ADPRHL1: variants seen among roughly 807,000 people sequenced by gnomAD.
ADPRHL1 encodes the protein inactive ADP-ribosyltransferase ARH2.
ADPRHL1 carries 43 observed loss-of-function variants against 44.1 expected under a neutral mutation model. That is an observed-to-expected ratio of 0.98 (90% CI 0.76 to 1.26). ADPRHL1 has a LOEUF of 1.26. Ranked by LOEUF, ADPRHL1 falls within the 50% of genes most tolerant of loss-of-function variation. The pLI is 0.00. For missense variants in ADPRHL1, 2,022 were observed against 2,496.9 expected (o/e 0.81, Z 4.05); for synonymous variants, 878 against 1,017.4 (o/e 0.86, Z 2.61).
chr13:113,420,416 T>C (rs1299412771), intron 7 of ADPRHL1, among the ~76,000 whole-genome samples: 2 of 148,858 alleles, frequency 1.3e-5, no homozygotes, highest in Non-Finnish European at 3.0e-5. Context: ...GCCCTGCTCA[T>C]GCGAGCTGGC....
At chr13:113,443,620 A>C (rs899662881) in intron 2 of ADPRHL1, among the ~76,000 whole-genome samples, 6 of 151,920 alleles carry the variant, frequency 3.9e-5, no homozygotes, top group African/African-American at 1.5e-4. Context: ...CCCTGTCTAC[A>C]AAATAAATAA....
chr13:113,406,801 C>T lies in ADPRHL1; in HGVS notation c.2481G>A (p.Ser827=). The change falls in exon 8 of 8, where the codon TCG becomes TCA. Residue 827 remains serine (S), a synonymous_variant. Transcript: ENST00000612156. ...GCTGTGTTCTCCGAGCAGCCTGGACCGATGGAGCGTTCAGGGGTGGGATGT... is the reference window on the plus strand; with the variant it reads ...GCTGTGTTCTCCGAGCAGCCTGGACTGATGGAGCGTTCAGGGGTGGGATGT... ...PEHIPPLNAP[S]VQAARRTQPA... 3 of 1,232,030 alleles carry T rather than the reference C, an allele frequency of 2.4e-6. No individual in the cohort carries two copies. The highest frequency in any genetic ancestry group is 3.2e-5 in the East Asian group (1 of 31,722). 76.3% of individuals were successfully genotyped at this position (1,232,030 alleles called of 1,614,324 possible).
In ADPRHL1 at chr13:113,405,532, C is replaced by G; in HGVS notation, c.3750G>C (p.Val1250=). 8.1e-7 allele frequency: 1 copy of G among 1,232,106 alleles called. No individual in the cohort carries two copies. The highest frequency in any genetic ancestry group is 3.1e-4 in the Middle Eastern group (1 of 3,208). The allele number at this position is 1,232,106 out of a possible 1,614,324, so 76.3% of individuals were successfully genotyped here. A position where few individuals can be genotyped will look rare whatever the true frequency, so the allele number is the denominator to read the frequency against. Residue 1250 remains valine (V), a synonymous_variant, in exon 8 of 8, where the codon GTG becomes GTC. Coordinates refer to ENST00000612156, the MANE Select transcript of ADPRHL1 (RefSeq NM_001394807.1). ...TGCTGAAACCCAAAAGGTTTCCTTC[C>G]ACAGCCACATCCTTTCTGCCTCCTA... ...AAVGGRKDVA[V]EGNLLGFSTE...
chr13:113,431,847 C>T (rs1280387949), intron 3 of ADPRHL1, among the ~76,000 whole-genome samples: 1 of 151,960 alleles, frequency 6.6e-6, no homozygotes, highest in African/African-American at 2.4e-5. Flanking sequence ...TCCTGAGTAG[C>T]TGGGATTACA....
chr13:113,413,351 A>G (rs2043869803), intron 7 of ADPRHL1, among the ~76,000 whole-genome samples: 1 of 151,300 alleles, frequency 6.6e-6, no homozygotes, highest in Admixed American at 6.6e-5. Flanking sequence ...AGATGCCCCC[A>G]CCTCAGGGAG....
At position 113,405,495 on chromosome 13, in the gene ADPRHL1, T is replaced by C; in HGVS notation, c.3787A>G (p.Ile1263Val). ...GGCCTAGGATGATCAGAAGCAGGAA[T>C]TCCAGACTCTGTGCTGAAACCCAAA... ...NLLGFSTESG[I>V]PASDHPRPQA... The change falls in exon 8 of 8, where the codon ATT (isoleucine) becomes GTT (valine). Residue 1263 changes from isoleucine (I) to valine (V), a missense_variant. Around this residue, in one of 8 missense-constraint regions of ADPRHL1, gnomAD observed 1,221 missense variants for 1,517.8 expected, o/e 0.80. Coordinates refer to ENST00000612156, the MANE Select transcript of ADPRHL1 (RefSeq NM_001394807.1). The C allele has an allele frequency of 8.1e-7, 1 of 1,231,956 alleles. No homozygotes were observed. Among genetic ancestry groups the C allele is most frequent in the Non-Finnish European group, 1.0e-6 (1 of 988,118 alleles). The allele number at this position is 1,231,956 out of a possible 1,614,324, so 76.3% of individuals were successfully genotyped here.
rs959198681 is a variant in ADPRHL1, at chr13:113,409,637, C to A, written c.1062-1417G>T. The A allele has an allele frequency of 5.1e-6, 5 of 984,462 alleles. No individual in the cohort carries two copies. Among genetic ancestry groups the A allele is most frequent in the Non-Finnish European group, 6.0e-6 (5 of 829,188 alleles). 61.0% of individuals were successfully genotyped at this position (984,462 alleles called of 1,614,324 possible). A position where few individuals can be genotyped will look rare whatever the true frequency, so the allele number is the denominator to read the frequency against. ...CCGTGGCTCACGCCTGTAATCTCAG[C>A]GTGATTTGGGAGGCCGAGGCTGGCA... On this transcript the variant is annotated intron_variant, in intron 7 of 7. Transcript: ENST00000612156. This position sits in a 1 kb window ranked among gnomAD's most constrained non-coding sequence, Gnocchi z 4.2.
intron 4 of ADPRHL1, among the ~76,000 whole-genome samples, chr13:113,426,294 G>C (rs2043967614): frequency 6.6e-6 from 1 of 152,184 alleles, no homozygotes. Context: ...GCCTTACGGT[G>C]AGCACCCCTG....
At position 113,429,751 on chromosome 13, in the gene ADPRHL1, G is replaced by A. The variant is rs573079078; in HGVS notation, c.506-659C>T. On this transcript the variant is annotated intron_variant, in intron 3 of 7. Transcript: ENST00000612156. The stretch of plus-strand genomic sequence containing the variant: ...CGTTGTGCACACTCAGGCGTTTCCT[G>A]TGCGGGGCCGACTCACTCGCCCTGC... 2.6e-5 allele frequency among the ~76,000 whole-genome samples: 4 copies of A among 152,330 alleles called. No homozygotes were observed. In the East Asian group the frequency reaches 5.8e-4, roughly 22 times the overall value.
chr13:113,434,689 T>A (rs370989583), intron 2 of ADPRHL1, among the ~76,000 whole-genome samples: 1 of 95,488 alleles, frequency 1.0e-5, no homozygotes, highest in Non-Finnish European at 2.2e-5. Flanking sequence ...GGCACCCAGG[T>A]GTAGAGTGAA....
At chr13:113,434,588 G>A (rs1276679946) in intron 2 of ADPRHL1, among the ~76,000 whole-genome samples, 1 of 134,562 alleles carries the variant, frequency 7.4e-6, no homozygotes, top group Non-Finnish European at 1.6e-5. Flanking sequence ...GGTGTACCCC[G>A]GGACCCGGCA....
intron 1 of ADPRHL1, among the ~76,000 whole-genome samples, chr13:113,449,517 G>C (rs991494859): frequency 7.6e-5 from 10 of 131,710 alleles, no homozygotes; most frequent in African/African-American, 2.9e-4. Context: ...AGACAGCCCT[G>C]TTCAGAGGCT....
rs1286587604 is a variant in ADPRHL1 at position 113,409,054 on chromosome 13, AG to A, written c.1062-835del. Among the ~76,000 whole-genome samples, 1 of 152,234 alleles carries A rather than the reference AG, an allele frequency of 6.6e-6. No individual in the cohort carries two copies. Among genetic ancestry groups the A allele is most frequent in the Non-Finnish European group, 1.5e-5 (1 of 68,038 alleles). On this transcript the variant is annotated intron_variant, in intron 7 of 7. Transcript: ENST00000612156. This position sits in a 1 kb window ranked among gnomAD's most constrained non-coding sequence, Gnocchi z 4.2. Reference sequence around the variant, plus strand: ...TCAAAATGGCTTAGAGGAGCCACTGAGGCTGGGGGCTGCCGCCCTTTCCCAG... The same window carrying A: ...TCAAAATGGCTTAGAGGAGCCACTGAGCTGGGGGCTGCCGCCCTTTCCCAG...
At position 113,405,014 on chromosome 13, in the gene ADPRHL1, G is replaced by C. The variant is rs2043796297; in HGVS notation, c.4268C>G (p.Ala1423Gly). ...EPQTWWAQDLAGDKGMAIGVG... is the reference protein window; with the variant it reads ...EPQTWWAQDLGGDKGMAIGVG... ...CCCAATGGCCATCCCTTTGTCCCCG[G>C]CCAGATCCTGTGCCCACCATGTCTG... The change falls in exon 8 of 8, where the codon GCC (alanine) becomes GGC (glycine). Residue 1423 changes from alanine (A) to glycine (G), a missense_variant. Coordinates refer to ENST00000612156, the MANE Select transcript of ADPRHL1 (RefSeq NM_001394807.1). The C allele has an allele frequency of 2.4e-6, 3 of 1,233,396 alleles. No individual in the cohort carries two copies. Among genetic ancestry groups the C allele is most frequent in the South Asian group, 8.1e-5 (2 of 24,578 alleles). The allele number at this position is 1,233,396 out of a possible 1,614,324, so 76.4% of individuals were successfully genotyped here.
chr13:113,412,309 C>A (rs1421700169), intron 7 of ADPRHL1, among the ~76,000 whole-genome samples: 1 of 152,200 alleles, frequency 6.6e-6, no homozygotes, highest in East Asian at 1.9e-4. Context: ...TCCCGAGTAG[C>A]TGGGACTACA....
intron 2 of ADPRHL1, among the ~76,000 whole-genome samples, chr13:113,440,742 A>T (rs1012284980): frequency 6.6e-6 from 1 of 152,056 alleles, no homozygotes. Context: ...GGTGTGAGCC[A>T]CTGCACCTGG....
intron 5 of ADPRHL1, 82 bp from the exon 6 acceptor site, chr13:113,424,431 C>A: frequency 6.4e-7 from 1 of 1,567,650 alleles, no homozygotes; most frequent in South Asian, 1.2e-5. Context: ...TTCTGGGCCC[C>A]TCCTAGTGAA....
intron 1 of ADPRHL1, among the ~76,000 whole-genome samples, chr13:113,446,149 G>A (rs1162377774): frequency 1.2e-5 from 1 of 80,508 alleles, no homozygotes; most frequent in Non-Finnish European, 2.5e-5. Flanking sequence ...CCCCCCCAGA[G>A]AGCACGCAGG....
chr13:113,434,076 G>A (rs1408616440), intron 2 of ADPRHL1, among the ~76,000 whole-genome samples: 12 of 152,230 alleles, frequency 7.9e-5, no homozygotes. Flanking sequence ...CAAGTGTCGG[G>A]TGTTAGTCAC....
Sources: gnomAD v4.1 joint callset for allele counts (sites outside exome capture counted in the v4.1 genomes callset) on GRCh38, gnomAD v4.1.1 for gene constraint, gnomAD v4.1.1 regional missense constraint, Gnocchi (gnomAD v3.1) non-coding constraint, MANE v1.5 for transcripts, NCBI Gene and HGNC (gene_info 2026-07-23, HGNC 2026-07-21) for gene names.